SHANK1: variants seen among roughly 807,000 people sequenced by gnomAD.
SHANK1 encodes the protein SH3 and multiple ankyrin repeat domains protein 1.
Under a neutral mutation model 165.6 loss-of-function variants are expected in SHANK1, and 35 were observed. That is an observed-to-expected ratio of 0.21 (90% CI 0.16 to 0.28). The LOEUF is 0.28. Among genes scored for constraint, SHANK1 ranks in the 10% least tolerant of loss-of-function variants. The pLI is 1.00. For synonymous variants in SHANK1, 1,428 were observed against 1,384.8 expected (o/e 1.03, Z -0.69); for missense variants, 2,681 against 3,036.4 (o/e 0.88, Z 2.75).
chr19:50,710,717 G>C (rs1599871989), intron 8 of SHANK1, among the ~76,000 whole-genome samples: 1 of 152,320 alleles, frequency 6.6e-6, no homozygotes, highest in African/African-American at 2.4e-5. Context: ...CCAAGGTCCT[G>C]AATTGCTAAA....
At chr19:50,663,280 C>CAG (rs201104977) in intron 23 of SHANK1, 7,934 of 122,582 alleles carry the variant, frequency 0.065, 237 homozygotes, top group African/African-American at 0.12. Flanking sequence ...GGACAGGGGA[C>CAG]ACAGAGAGAG....
chr19:50,715,865 C>A (rs1328699379), intron 3 of SHANK1, 135 bp from the exon 4 acceptor site: 6 of 838,102 alleles, frequency 7.2e-6, no homozygotes, highest in Non-Finnish European at 1.0e-5. Context: ...TGAAAACAGC[C>A]CTGGAACCTT....
At chr19:50,693,881 G>C (rs1024859378) in intron 15 of SHANK1, among the ~76,000 whole-genome samples, 1 of 152,156 alleles carries the variant, frequency 6.6e-6, no homozygotes, top group East Asian at 1.9e-4. Context: ...GGGGGCAGGG[G>C]AGAGGAGCAC....
At chr19:50,709,753 G>A (rs1014207429) in intron 8 of SHANK1, among the ~76,000 whole-genome samples, 9 of 151,980 alleles carry the variant, frequency 5.9e-5, no homozygotes, top group African/African-American at 1.5e-4. Flanking sequence ...GTTTTCCCAC[G>A]TTGCCCAGGC....
chr19:50,700,783 T>C (rs1986892332), intron 12 of SHANK1, among the ~76,000 whole-genome samples: 1 of 152,116 alleles, frequency 6.6e-6, no homozygotes, highest in Non-Finnish European at 1.5e-5. Context: ...CCTTTACCTC[T>C]GGCCTCAGCT....
Position 50,717,007 on chromosome 19 carries a change from C to T in SHANK1, c.-43-45G>A, listed in dbSNP as rs2089078889. Reference sequence around the variant, plus strand: ...CCATCAGACTAGGAGCCCGGGACCCCTCAGAGGCCGCAGGCGCTATTCGGT... The same window carrying T: ...CCATCAGACTAGGAGCCCGGGACCCTTCAGAGGCCGCAGGCGCTATTCGGT... On this transcript the variant is annotated intron_variant, in intron 1 of 23. Coordinates refer to ENST00000293441, the MANE Select transcript of SHANK1 (RefSeq NM_016148.5). This position sits in a 1 kb window ranked among gnomAD's most constrained non-coding sequence, Gnocchi z 5.5. The T allele has an allele frequency of 1.5e-6, 2 of 1,354,500 alleles. No homozygotes were observed. Among genetic ancestry groups the T allele is most frequent in the African/African-American group, 1.5e-5 (1 of 67,542 alleles). The allele number at this position is 1,354,500 out of a possible 1,614,324, so 83.9% of individuals were successfully genotyped here. A position where few individuals can be genotyped will look rare whatever the true frequency, so the allele number is the denominator to read the frequency against.
chr19:50,667,032 C>T lies in SHANK1; in HGVS notation c.4928G>A (p.Gly1643Glu), dbSNP rs1180429192. 2 of 1,547,868 alleles carry T rather than the reference C, an allele frequency of 1.3e-6. No homozygotes were observed. The highest frequency in any genetic ancestry group is 1.7e-6 in the Non-Finnish European group (2 of 1,150,762). The stretch of plus-strand genomic sequence containing the variant: ...AGGCGGGCCTGGTGGATGGGGGTCC[C>T]CAGGAGCGGCGGAGGCCCCCTGGGT... ...TLTQGASAAP[G>E]DPHPPGPPAP... is the part of the protein sequence containing the mutation. The change falls in exon 23 of 24, where the codon GGG becomes GAG. Residue 1643 changes from glycine (G) to glutamate (E), a missense_variant. Physicochemically the swap from Gly to Glu is moderately conservative, Grantham distance 98. This residue lies in a region of SHANK1 where 1,713 missense variants were observed against 1,630.2 expected (regional missense o/e 1.05). Transcript: ENST00000293441. The surrounding 1 kb of genome is among the most constrained non-coding windows in gnomAD (Gnocchi z 5.7).
rs755420355 is a variant in SHANK1, at chr19:50,686,987, G to T, written c.2390-175C>A. On this transcript the variant is annotated intron_variant, in intron 19 of 23. Transcript: ENST00000293441. The surrounding 1 kb of genome is among the most constrained non-coding windows in gnomAD (Gnocchi z 5.7). ...TCCGCCGGCGGGGTCGGGAGACGGG[G>T]GCCCTCCCGCCAGTCCTGTGCCCAC... 115 of 1,425,680 alleles carry T rather than the reference G, an allele frequency of 8.1e-5. No homozygotes were observed. In the African/African-American group the frequency reaches 1.4e-3, roughly 17 times the overall value. The allele number at this position is 1,425,680 out of a possible 1,614,324, so 88.3% of individuals were successfully genotyped here. A position where few individuals can be genotyped will look rare whatever the true frequency, so the allele number is the denominator to read the frequency against.
In SHANK1 at chr19:50,666,795, G is replaced by C. The variant is rs767866540; in HGVS notation, c.5165C>G (p.Pro1722Arg). ...GGCCACATAGGTGTCCAGAAGCTCC[G>C]GCCCACTGGCCACACCGGCCCCAGC... The part of the protein sequence containing the change: ...GGAGAGVASG[P>R]ELLDTYVAYL... The change falls in exon 23 of 24, where the codon CCG becomes CGG. Residue 1722 changes from proline to arginine, a missense_variant. By Grantham distance (103) the Pro-to-Arg change is moderately radical. Transcript: ENST00000293441. 1.9e-6 allele frequency: 3 copies of C among 1,550,248 alleles called. No homozygotes were observed. The highest frequency in any genetic ancestry group is 2.0e-4 in the Middle Eastern group (1 of 5,088).
intron 8 of SHANK1, among the ~76,000 whole-genome samples, chr19:50,710,323 C>T (rs1568444570): frequency 6.6e-6 from 1 of 152,204 alleles, no homozygotes; most frequent in African/African-American, 2.4e-5. Flanking sequence ...CCCAGCACTG[C>T]AAGTTCTGCC....
At chr19:50,675,454 C>T (rs1985945350) in intron 21 of SHANK1, among the ~76,000 whole-genome samples, 1 of 152,162 alleles carries the variant, frequency 6.6e-6, no homozygotes, top group Non-Finnish European at 1.5e-5. Flanking sequence ...GTATTACATG[C>T]CTCTCACTAC....
chr19:50,715,742 G>C lies in SHANK1; in HGVS notation c.460-12C>G, dbSNP rs190450226. ...GTCTTGTATCGGAACTGAGGTCAAG[G>C]GTAGGGTAGTGAGAGAGACACAGAG... On this transcript the variant is annotated splice_polypyrimidine_tract_variant and intron_variant, in intron 3 of 23. Transcript: ENST00000293441. The C allele has an allele frequency of 1.2e-6, 2 of 1,612,896 alleles. No individual in the cohort carries two copies. The highest frequency in any genetic ancestry group is 2.7e-5 in the African/African-American group (2 of 74,998).
In SHANK1 at chr19:50,688,919, C is replaced by A; in HGVS notation, c.2097G>T (p.Leu699=). ...CCTCGTCCACCGACTCCAGGTACTG[C>A]AGCGCCGGGAAGGCCGGGGTGGGGG... ...EFTPTPAFPA[L]QYLESVDEGG... Residue 699 remains leucine, a synonymous_variant, in exon 17 of 24, where the codon CTG becomes CTT. Coordinates refer to ENST00000293441, the MANE Select transcript of SHANK1 (RefSeq NM_016148.5). This position sits in a 1 kb window ranked among gnomAD's most constrained non-coding sequence, Gnocchi z 6.7. 6.4e-7 allele frequency: 1 copy of A among 1,571,456 alleles called. No homozygotes were observed. Among genetic ancestry groups the A allele is most frequent in the Non-Finnish European group, 8.6e-7 (1 of 1,158,060 alleles).
intron 15 of SHANK1, among the ~76,000 whole-genome samples, chr19:50,694,917 G>A (rs1986682075): frequency 6.6e-6 from 1 of 150,724 alleles, no homozygotes; most frequent in Admixed American, 6.6e-5. Context: ...AGATGTACCA[G>A]ACGCTGCGCC....
intron 5 of SHANK1, 32 bp downstream of exon 5, chr19:50,714,150 C>T: frequency 6.2e-7 from 1 of 1,600,018 alleles, no homozygotes; most frequent in Non-Finnish European, 8.6e-7. Flanking sequence ...TGTCCTGGCC[C>T]TGAGGTCCTC....
rs2089037548 is a variant in SHANK1, at chr19:50,713,851, C to T, written c.739G>A (p.Gly247Ser). The change falls in exon 6 of 24, where the codon GGC (glycine) becomes AGC (serine). Residue 247 changes from glycine (G) to serine (S), a missense_variant. This residue lies in a region of SHANK1 where 189 missense variants were observed against 440.9 expected (regional missense o/e 0.43). Coordinates refer to ENST00000293441, the MANE Select transcript of SHANK1 (RefSeq NM_016148.5). The surrounding 1 kb of genome is among the most constrained non-coding windows in gnomAD (Gnocchi z 6.2). ...GAHIDFRARD[G>S]MTALHKAACA... ...GCGGCCTTATGCAGTGCGGTCATGC[C>T]ATCCCGGGCCCGGAAGTCAATGTGG... 1 of 1,613,862 alleles carries T rather than the reference C, an allele frequency of 6.2e-7. No homozygotes were observed. Among genetic ancestry groups the T allele is most frequent in the Non-Finnish European group, 8.5e-7 (1 of 1,180,012 alleles).
intron 21 of SHANK1, among the ~76,000 whole-genome samples, chr19:50,681,215 T>A (rs1020150705): frequency 2.0e-5 from 3 of 150,216 alleles, no homozygotes; most frequent in Non-Finnish European, 4.4e-5. Flanking sequence ...AAGATAAAGA[T>A]GGCAGGTGGG....
In SHANK1 at chr19:50,716,756, C is replaced by T; in HGVS notation, c.164G>A (p.Arg55Lys). 1 of 1,608,968 alleles carries T rather than the reference C, an allele frequency of 6.2e-7. No homozygotes were observed. The highest frequency in any genetic ancestry group is 8.5e-7 in the Non-Finnish European group (1 of 1,177,662). Reference protein sequence around the residue: ...SGAPGSLASVRGLQGRSMSVP... With the variant: ...SGAPGSLASVKGLQGRSMSVP... ...GGACATTGAGCGGCCCTGGAGGCCT[C>T]TAACAGAGGCCAGGCTACCAGGTGC... The change falls in exon 2 of 24, where the codon AGA (arginine) becomes AAA (lysine). Residue 55 changes from arginine to lysine, a missense_variant. Coordinates refer to ENST00000293441, the MANE Select transcript of SHANK1 (RefSeq NM_016148.5). The surrounding 1 kb of genome is among the most constrained non-coding windows in gnomAD (Gnocchi z 8.4).
At chr19:50,708,423 TATCTC>T (rs1199352115) in intron 8 of SHANK1, among the ~76,000 whole-genome samples, 6 of 152,076 alleles carry the variant, frequency 3.9e-5, no homozygotes, top group Non-Finnish European at 8.8e-5. Flanking sequence ...TCCTAGCACT[TATCTC>T]ATGTCGTAGC....
Sources: gnomAD v4.1 joint callset for allele counts (sites outside exome capture counted in the v4.1 genomes callset) on GRCh38, gnomAD v4.1.1 for gene constraint, gnomAD v4.1.1 regional missense constraint, Gnocchi (gnomAD v3.1) non-coding constraint, MANE v1.5 for transcripts, NCBI Gene and HGNC (gene_info 2026-07-23, HGNC 2026-07-21) for gene names.